Variants in CELA2A observed in about 807,000 individuals in gnomAD.
CELA2A encodes the protein chymotrypsin like elastase 2A, also known as chymotrypsin-like elastase family member 2A.
Under a neutral mutation model 35.3 loss-of-function variants are expected in CELA2A, and 31 were observed. The observed-to-expected ratio is 0.88, with a 90% CI of 0.66 to 1.19. CELA2A has a LOEUF of 1.19. CELA2A is among the 50% of genes most tolerant of loss of function. The pLI is 0.00. For missense variants in CELA2A, 330 were observed against 352.9 expected (o/e 0.94, Z 0.52); for synonymous variants, 150 against 149.8 (o/e 1.00, Z -0.01).
intron 7 of CELA2A, 75 bp downstream of exon 7, chr1:15,467,613 G>C: frequency 6.5e-7 from 1 of 1,539,912 alleles, no homozygotes; most frequent in Non-Finnish European, 8.9e-7. Context: ...TGCCCACCTG[G>C]TGACTGAGAA....
intron 7 of CELA2A, among the ~76,000 whole-genome samples, chr1:15,471,266 G>T (rs570964350): frequency 2.6e-5 from 4 of 152,272 alleles, no homozygotes; most frequent in African/African-American, 9.6e-5. Context: ...TGTTTAACAG[G>T]CTGGGCGCGG....
chr1:15,458,197 T>C (rs1708386409), intron 2 of CELA2A, among the ~76,000 whole-genome samples: 1 of 152,176 alleles, frequency 6.6e-6, no homozygotes, highest in Admixed American at 6.5e-5. Context: ...CCATGCCCCA[T>C]ATCTTATCTA....
At chr1:15,470,746 A>G (rs930392746) in intron 7 of CELA2A, among the ~76,000 whole-genome samples, 10 of 151,890 alleles carry the variant, frequency 6.6e-5, no homozygotes, top group Admixed American at 3.9e-4. Context: ...ATGCCCAACT[A>G]ATTTTTGTAT....
chr1:15,466,085 A>G lies in CELA2A; in HGVS notation c.580A>G (p.Ser194Gly). ...CTGCTCCAGCTCTGCCTGGTGGGGC[A>G]GCAGCGTGAAAACCAGTATGATCTG... ...ATCSSSAWWG[S>G]SVKTSMICAG... The change falls in exon 6 of 8, where the codon AGC becomes GGC. Residue 194 changes from serine to glycine, a missense_variant. Physicochemically the swap from Ser to Gly is moderately conservative, Grantham distance 56. Transcript: ENST00000359621. The G allele has an allele frequency of 3.7e-6, 6 of 1,614,118 alleles. No homozygotes were observed. The highest frequency in any genetic ancestry group is 5.1e-6 in the Non-Finnish European group (6 of 1,180,028).
intron 7 of CELA2A, among the ~76,000 whole-genome samples, chr1:15,471,361 A>C (rs1251228972): frequency 6.6e-6 from 1 of 152,172 alleles, no homozygotes; most frequent in Non-Finnish European, 1.5e-5. Flanking sequence ...AGCCTGGCCA[A>C]CATGGTGAAA....
intron 2 of CELA2A, among the ~76,000 whole-genome samples, chr1:15,460,527 C>A (rs1708419446): frequency 6.6e-6 from 1 of 152,066 alleles, no homozygotes; most frequent in African/African-American, 2.4e-5. Context: ...CTGTCACCTC[C>A]CTCCCCTCTG....
chr1:15,472,027 C>A lies in CELA2A; in HGVS notation c.*20C>A, dbSNP rs367690915. 31 of 1,613,830 alleles carry A rather than the reference C, an allele frequency of 1.9e-5. No homozygotes were observed. Among genetic ancestry groups the A allele is most frequent in the Middle Eastern group, 1.6e-4 (1 of 6,080 alleles). On this transcript the variant is annotated 3_prime_UTR_variant, in exon 8 of 8. Coordinates refer to ENST00000359621, the MANE Select transcript of CELA2A (RefSeq NM_033440.3). Reference sequence around the variant, plus strand: ...AACTAACCAAAAGAAGTCCCTGGGACTGTTTCAGACTTGGAAAGGTCACAG... The same window carrying A: ...AACTAACCAAAAGAAGTCCCTGGGAATGTTTCAGACTTGGAAAGGTCACAG...
At chr1:15,463,074 C>A in intron 4 of CELA2A, 2 of 808,498 alleles carry the variant, frequency 2.5e-6, no homozygotes, top group African/African-American at 1.7e-5. Flanking sequence ...GCCAGAGCGA[C>A]CTGGGTTTGC....
At chr1:15,463,149 G>A in intron 4 of CELA2A, 1 of 725,346 alleles carries the variant, frequency 1.4e-6, no homozygotes, top group Non-Finnish European at 2.2e-6. Context: ...AGGTCCTGGG[G>A]ACACAGGGAC....
intron 3 of CELA2A, 58 bp from the exon 4 acceptor site, chr1:15,462,675 C>A (rs1708451690): frequency 6.2e-7 from 1 of 1,602,464 alleles, no homozygotes; most frequent in Non-Finnish European, 8.5e-7. Context: ...CTATCCCCAG[C>A]ATTATCCAAA....
At chr1:15,459,321 C>T (rs1474382580) in intron 2 of CELA2A, among the ~76,000 whole-genome samples, 1 of 140,462 alleles carries the variant, frequency 7.1e-6, no homozygotes, top group Non-Finnish European at 1.6e-5. Context: ...TGCCCCCACA[C>T]CCGGTTAAGT....
At chr1:15,471,923 G>A (rs1247235345) in intron 7 of CELA2A, 67 bp from the exon 8 acceptor site, 3 of 1,604,472 alleles carry the variant, frequency 1.9e-6, no homozygotes, top group Non-Finnish European at 8.5e-7. Context: ...GGAGGACAGA[G>A]ACAGGAAACT....
intron 6 of CELA2A, among the ~76,000 whole-genome samples, chr1:15,466,872 G>C (rs760746942): frequency 6.6e-6 from 1 of 152,186 alleles, no homozygotes; most frequent in Non-Finnish European, 1.5e-5. Context: ...TAACCACCAG[G>C]AACTGCTCTG....
chr1:15,464,461 T>A (rs1372436926), intron 5 of CELA2A, among the ~76,000 whole-genome samples: 4 of 152,052 alleles, frequency 2.6e-5, no homozygotes, highest in African/African-American at 9.7e-5. Flanking sequence ...GTTTGGAAGA[T>A]TCTAGGAAGG....
intron 2 of CELA2A, among the ~76,000 whole-genome samples, chr1:15,460,873 AT>A (rs34324721): frequency 0.97 from 147,925 of 152,122 alleles, 72,006 homozygotes; most frequent in Non-Finnish European, 1. Context: ...GAGACAATGT[AT>A]TTAGTCCTGC....
At chr1:15,459,276 C>T (rs1708401058) in intron 2 of CELA2A, among the ~76,000 whole-genome samples, 1 of 151,984 alleles carries the variant, frequency 6.6e-6, no homozygotes, top group Admixed American at 6.6e-5. Flanking sequence ...GATCCTCCCA[C>T]CTCAGCCTCC....
chr1:15,462,828 A>C lies in CELA2A; in HGVS notation c.323A>C (p.His108Pro), dbSNP rs1708455087. The change falls in exon 4 of 8, where the codon CAC (histidine) becomes CCC (proline). Residue 108 changes from histidine to proline, a missense_variant. Physicochemically the swap from His to Pro is moderately conservative, Grantham distance 77. Coordinates refer to ENST00000359621, the MANE Select transcript of CELA2A (RefSeq NM_033440.3). ...LAVSVSKIVV[H>P]KDWNSNQISK... Reference sequence around the variant, plus strand: ...GTCAGTGTCTCTAAGATTGTGGTGCACAAGGACTGGAACTCCAACCAAATC... The same window carrying C: ...GTCAGTGTCTCTAAGATTGTGGTGCCCAAGGACTGGAACTCCAACCAAATC... The C allele has an allele frequency of 1.9e-6, 3 of 1,614,134 alleles. No individual in the cohort carries two copies. In the African/African-American group the frequency reaches 4.0e-5, roughly 22 times the overall value.
intron 7 of CELA2A, among the ~76,000 whole-genome samples, chr1:15,468,418 C>T (rs527968206): frequency 2.7e-4 from 41 of 152,316 alleles, no homozygotes; most frequent in African/African-American, 9.6e-4. Flanking sequence ...AAGTAAACAA[C>T]TCAGAGAGGT....
chr1:15,460,544 C>T lies in CELA2A; in HGVS notation c.130-1017C>T, dbSNP rs114063059. Among the ~76,000 whole-genome samples, 316 of 152,084 alleles carry T rather than the reference C, an allele frequency of 2.1e-3. 1 individual carries two copies. Among genetic ancestry groups the T allele is most frequent in the African/African-American group, 7.2e-3 (299 of 41,504 alleles). On this transcript the variant is annotated intron_variant, in intron 2 of 7. Transcript: ENST00000359621. The stretch of plus-strand genomic sequence containing the variant: ...GTCACCTCCCTCCCCTCTGCTTGGC[C>T]GTGGCAGGGAATTGAAAGACAGGGG...
Sources: gnomAD v4.1 joint callset for allele counts (sites outside exome capture counted in the v4.1 genomes callset) on GRCh38, gnomAD v4.1.1 for gene constraint, MANE v1.5 for transcripts, NCBI Gene and HGNC (gene_info 2026-07-23, HGNC 2026-07-21) for gene names.